MARCHF11: variants seen among roughly 807,000 people sequenced by gnomAD.
MARCHF11 encodes E3 ubiquitin-protein ligase MARCHF11.
A neutral mutation model predicts 37.3 loss-of-function variants in MARCHF11; 29 were observed. The ratio of observed to expected loss-of-function variants is 0.78; its 90% CI spans 0.58 to 1.06. The LOEUF (loss-of-function observed/expected upper bound fraction) is 1.06. Among genes scored for constraint, MARCHF11 ranks in the 50% least tolerant of loss-of-function variants. The probability of loss-of-function intolerance (pLI) is 0.00; values close to 1 mark genes in which losing one functional copy is unlikely to be tolerated. For missense variants in MARCHF11, 482 were observed against 533.4 expected (o/e 0.90, Z 0.95); for synonymous variants, 233 against 228.0 (o/e 1.02, Z -0.20).
At chr5:16,104,587 G>T (rs536412535) in intron 2 of MARCHF11, among the ~76,000 whole-genome samples, 1 of 151,566 alleles carries the variant, frequency 6.6e-6, no homozygotes, top group South Asian at 2.1e-4. Flanking sequence ...ATCTTCAATC[G>T]TAAAATACTT....
Position 16,072,510 on chromosome 5 carries a change from C to CTGTGTGTGTGTGTG in MARCHF11, c.887-4731_887-4718dup, listed in dbSNP as rs34699021. Among the ~76,000 whole-genome samples, 120 of 146,710 alleles carry CTGTGTGTGTGTGTG rather than the reference C, an allele frequency of 8.2e-4. 1 individual carries two copies. The South Asian group carries it at 0.012, about 15-fold the overall frequency. On this transcript the variant is annotated intron_variant, in intron 3 of 3. Coordinates refer to ENST00000332432, the MANE Select transcript of MARCHF11 (RefSeq NM_001102562.3). ...ATCAGTGCTCTCTCTCTCTCTCACT[C>CTGTGTGTGTGTGTG]TGTGTGTGTGTGTGTGTGTGTGTGT...
intron 2 of MARCHF11, among the ~76,000 whole-genome samples, chr5:16,100,795 C>G (rs1350750279): frequency 1.3e-5 from 2 of 152,130 alleles, no homozygotes; most frequent in African/African-American, 2.4e-5. Flanking sequence ...AATAAAGATG[C>G]TTAGTGGGAA....
At chr5:16,145,600 A>G (rs1737783889) in intron 2 of MARCHF11, among the ~76,000 whole-genome samples, 1 of 152,192 alleles carries the variant, frequency 6.6e-6, no homozygotes, top group Non-Finnish European at 1.5e-5. Context: ...AAGTCCTTTT[A>G]GAATTAGGGA....
At chr5:16,080,548 C>T (rs1430868825) in intron 3 of MARCHF11, among the ~76,000 whole-genome samples, 1 of 152,146 alleles carries the variant, frequency 6.6e-6, no homozygotes. Flanking sequence ...AGAAAACACT[C>T]AGAATGAGCC....
At chr5:16,135,793 C>T (rs577863890) in intron 2 of MARCHF11, among the ~76,000 whole-genome samples, 18 of 149,290 alleles carry the variant, frequency 1.2e-4, no homozygotes, top group Non-Finnish European at 2.7e-4. Context: ...TTGTTTGGAA[C>T]GCTCTCCTCA....
At chr5:16,157,757 TC>T (rs1348078916) in intron 2 of MARCHF11, among the ~76,000 whole-genome samples, 1 of 151,676 alleles carries the variant, frequency 6.6e-6, no homozygotes, top group Non-Finnish European at 1.5e-5. Flanking sequence ...GAGGAAAACC[TC>T]CAAGAGATTG....
intron 2 of MARCHF11, among the ~76,000 whole-genome samples, chr5:16,093,396 C>A (rs1260606930): frequency 6.6e-6 from 1 of 152,180 alleles, no homozygotes; most frequent in East Asian, 1.9e-4. Context: ...AGCCTCCTTG[C>A]ATGATAATTC....
At chr5:16,178,930 T>C in intron 1 of MARCHF11, 109 bp downstream of exon 1, 1 of 1,288,686 alleles carries the variant, frequency 7.8e-7, no homozygotes, top group Non-Finnish European at 9.9e-7. Context: ...CAGACGAGCC[T>C]CACTGGAGGC....
intron 2 of MARCHF11, among the ~76,000 whole-genome samples, chr5:16,115,674 C>A (rs528318993): frequency 1.3e-5 from 2 of 150,662 alleles, no homozygotes; most frequent in Non-Finnish European, 2.9e-5. Flanking sequence ...GTTGCCCAGG[C>A]TGGAGTGCAG....
At chr5:16,072,765 G>A (rs1185807779) in intron 3 of MARCHF11, among the ~76,000 whole-genome samples, 1 of 152,104 alleles carries the variant, frequency 6.6e-6, no homozygotes, top group African/African-American at 2.4e-5. Flanking sequence ...TTTCCTGGGA[G>A]GGCTGGGGGT....
intron 2 of MARCHF11, among the ~76,000 whole-genome samples, chr5:16,164,081 T>G (rs965795552): frequency 1.3e-5 from 2 of 152,032 alleles, no homozygotes; most frequent in Non-Finnish European, 2.9e-5. Flanking sequence ...TCCAGAACTG[T>G]GAAAATCAAT....
chr5:16,151,649 ATGTGTGTG>A lies in MARCHF11; in HGVS notation c.693+26069_693+26076del, dbSNP rs58891017. The stretch of plus-strand genomic sequence containing the variant: ...GTGTGTGTGTGCATGCGTGAGTTGA[ATGTGTGTG>A]TGTGTGTGTGTGTGTGTGTGTGTGT... On this transcript the variant is annotated intron_variant, in intron 2 of 3. Coordinates refer to ENST00000332432, the MANE Select transcript of MARCHF11 (RefSeq NM_001102562.3). Among the ~76,000 whole-genome samples, 1,104 of 131,492 alleles carry A rather than the reference ATGTGTGTG, an allele frequency of 8.4e-3. 8 individuals carry two copies. The highest frequency in any genetic ancestry group is 0.015 in the Middle Eastern group (4 of 264). The allele number at this position is 131,492 out of a possible 152,430, so 86.3% of individuals were successfully genotyped here. A position where few individuals can be genotyped will look rare whatever the true frequency, so the allele number is the denominator to read the frequency against.
At chr5:16,128,096 T>C (rs1216134325) in intron 2 of MARCHF11, among the ~76,000 whole-genome samples, 1 of 152,142 alleles carries the variant, frequency 6.6e-6, no homozygotes, top group African/African-American at 2.4e-5. Flanking sequence ...ACCCTACTCA[T>C]ACCACCCACG....
intron 2 of MARCHF11, among the ~76,000 whole-genome samples, chr5:16,096,411 T>A (rs566301297): frequency 6.6e-6 from 1 of 152,344 alleles, no homozygotes; most frequent in Non-Finnish European, 1.5e-5. Context: ...TTGGATATTA[T>A]GTAATATTCT....
At position 16,110,373 on chromosome 5, in the gene MARCHF11, C is replaced by T. The variant is rs117095033; in HGVS notation, c.694-19292G>A. Among the ~76,000 whole-genome samples, 245 of 152,068 alleles carry T rather than the reference C, an allele frequency of 1.6e-3. 4 individuals are homozygous for T. In the East Asian group the frequency reaches 0.038, roughly 24 times the overall value. Reference sequence around the variant, plus strand: ...CACAAATAAATTATTAAAAGGAGACCGGATACAATGCTGGAGACTGACCAG... The same window carrying T: ...CACAAATAAATTATTAAAAGGAGACTGGATACAATGCTGGAGACTGACCAG... On this transcript the variant is annotated intron_variant, in intron 2 of 3. Transcript: ENST00000332432.
intron 3 of MARCHF11, among the ~76,000 whole-genome samples, chr5:16,075,488 T>G (rs926817564): frequency 3.9e-5 from 6 of 152,192 alleles, no homozygotes; most frequent in African/African-American, 1.4e-4. Context: ...CCTAATCAGC[T>G]GTGTGCTCCC....
At chr5:16,079,280 C>T (rs963833091) in intron 3 of MARCHF11, among the ~76,000 whole-genome samples, 3 of 152,206 alleles carry the variant, frequency 2.0e-5, no homozygotes, top group African/African-American at 7.2e-5. Context: ...ACTCACCCAC[C>T]TTCTTAATCT....
At chr5:16,092,894 A>G (rs1276774875) in intron 2 of MARCHF11, among the ~76,000 whole-genome samples, 2 of 152,206 alleles carry the variant, frequency 1.3e-5, no homozygotes, top group Non-Finnish European at 2.9e-5. Context: ...CCAGGCCTTC[A>G]TATCTTTAAC....
chr5:16,134,882 T>C (rs1222067106), intron 2 of MARCHF11, among the ~76,000 whole-genome samples: 1 of 151,894 alleles, frequency 6.6e-6, no homozygotes, highest in East Asian at 1.9e-4. Flanking sequence ...ATGAGTACAA[T>C]TCAATAAAAT....
Sources: allele counts gnomAD v4.1 joint callset (sites outside exome capture counted in the v4.1 genomes callset), GRCh38; gene constraint gnomAD v4.1.1; transcripts MANE v1.5; gene names NCBI Gene and HGNC (gene_info 2026-07-23, HGNC 2026-07-21).